TLK1: variants seen among roughly 807,000 people sequenced by gnomAD.
TLK1 encodes tousled like kinase 1.
TLK1 carries 24 observed loss-of-function variants against 105.3 expected under a neutral mutation model. The observed-to-expected ratio is 0.23, with a 90% CI of 0.17 to 0.32. The LOEUF (loss-of-function observed/expected upper bound fraction) is 0.32. Among genes scored for constraint, TLK1 ranks in the 10% least tolerant of loss-of-function variants. The pLI, the probability that TLK1 is intolerant of heterozygous loss-of-function variation, is 1.00. For synonymous variants in TLK1, 321 were observed against 310.4 expected (o/e 1.03, Z -0.36); for missense variants, 558 against 910.5 (o/e 0.61, Z 4.98).
chr2:171,090,185 A>G (rs1689166266), intron 2 of TLK1, among the ~76,000 whole-genome samples: 1 of 152,074 alleles, frequency 6.6e-6, no homozygotes, highest in Non-Finnish European at 1.5e-5. Context: ...ATTTCAACTT[A>G]TATTTTTATT....
chr2:171,025,440 G>A (rs138638724), intron 12 of TLK1, among the ~76,000 whole-genome samples: 563 of 152,270 alleles, frequency 3.7e-3, no homozygotes, highest in Middle Eastern at 0.01. Context: ...TTAATGTTAA[G>A]AATTTATTGA....
At position 171,007,149 on chromosome 2, in the gene TLK1, A is replaced by G; in HGVS notation, c.1417-86T>C. 3 of 1,079,730 alleles carry G rather than the reference A, an allele frequency of 2.8e-6. No individual in the cohort carries two copies. In the South Asian group the frequency reaches 4.8e-5, roughly 17 times the overall value. 66.9% of individuals were successfully genotyped at this position (1,079,730 alleles called of 1,614,324 possible). ...TTTTTATTTTGGTGATAATTTTTGCAATAATATGGAATTAGGACAAACCCT... is the reference window on the plus strand; with the variant it reads ...TTTTTATTTTGGTGATAATTTTTGCGATAATATGGAATTAGGACAAACCCT... On this transcript the variant is annotated intron_variant, in intron 14 of 20. Transcript: ENST00000431350.
intron 3 of TLK1, among the ~76,000 whole-genome samples, chr2:171,075,061 A>C (rs1324669647): frequency 3.3e-5 from 5 of 152,144 alleles, no homozygotes; most frequent in Non-Finnish European, 1.5e-5. Context: ...CAGTAAATAA[A>C]TATAGATAAA....
At chr2:171,203,170 A>C (rs765914251) in intron 1 of TLK1, among the ~76,000 whole-genome samples, 4 of 152,358 alleles carry the variant, frequency 2.6e-5, no homozygotes, top group Non-Finnish European at 5.9e-5. Flanking sequence ...AATTTTTAAA[A>C]AATGTTTAAT....
At chr2:171,010,225 G>C (rs929941795) in intron 14 of TLK1, among the ~76,000 whole-genome samples, 5 of 152,134 alleles carry the variant, frequency 3.3e-5, no homozygotes, top group African/African-American at 1.2e-4. Flanking sequence ...TAATATGTGA[G>C]GGGAGGGGAA....
intron 3 of TLK1, chr2:171,066,796 CTATAAAATTAGAATAAAG>C: frequency 6.5e-7 from 1 of 1,541,534 alleles, no homozygotes. Flanking sequence ...ACAGTATATA[CTATAAAATTAGAATAAAG>C]TTGAACTTTC....
At chr2:171,054,995 T>C in intron 7 of TLK1, 88 bp downstream of exon 7, 1 of 695,972 alleles carries the variant, frequency 1.4e-6, no homozygotes, top group Non-Finnish European at 2.2e-6. Flanking sequence ...TATGACTACA[T>C]ATAAAACAAA....
chr2:170,995,661 A>AT (rs1474261790), intron 20 of TLK1, among the ~76,000 whole-genome samples: 1 of 152,258 alleles, frequency 6.6e-6, no homozygotes, highest in Non-Finnish European at 1.5e-5. Context: ...AGTCATATTT[A>AT]TCTTACAAAA....
chr2:171,034,881 T>C (rs1032165234), intron 11 of TLK1, among the ~76,000 whole-genome samples: 1 of 152,122 alleles, frequency 6.6e-6, no homozygotes, highest in Admixed American at 6.5e-5. Context: ...TTAGTATAAG[T>C]ATAATGGCTG....
At chr2:171,184,169 G>A (rs1187843761) in intron 1 of TLK1, among the ~76,000 whole-genome samples, 1 of 152,170 alleles carries the variant, frequency 6.6e-6, no homozygotes, top group Non-Finnish European at 1.5e-5. Flanking sequence ...AACGAGGGTG[G>A]CTTCTAGAAG....
At chr2:171,158,314 T>C (rs1234013624) in intron 1 of TLK1, among the ~76,000 whole-genome samples, 1 of 152,218 alleles carries the variant, frequency 6.6e-6, no homozygotes, top group African/African-American at 2.4e-5. Flanking sequence ...AACTCACTAC[T>C]TTAGGTTACA....
chr2:171,148,034 G>C (rs1691861151), intron 1 of TLK1, among the ~76,000 whole-genome samples: 1 of 152,066 alleles, frequency 6.6e-6, no homozygotes, highest in African/African-American at 2.4e-5. Flanking sequence ...GGGATTTCAG[G>C]CGTGTGCCAC....
intron 20 of TLK1, among the ~76,000 whole-genome samples, chr2:170,996,118 A>T (rs1275364508): frequency 6.7e-6 from 1 of 149,852 alleles, no homozygotes; most frequent in Non-Finnish European, 1.5e-5. Flanking sequence ...CCCACCTCAG[A>T]CTCCCAAGCA....
In TLK1 at chr2:171,015,099, T is replaced by C. The variant is rs537696484; in HGVS notation, c.1237-151A>G. 308 of 624,916 alleles carry C rather than the reference T, an allele frequency of 4.9e-4. 1 individual carries two copies. The highest frequency in any genetic ancestry group is 7.4e-4 in the Non-Finnish European group (266 of 359,964). The allele number at this position is 624,916 out of a possible 1,614,324, so 38.7% of individuals were successfully genotyped here. A position where few individuals can be genotyped will look rare whatever the true frequency, so the allele number is the denominator to read the frequency against. On this transcript the variant is annotated intron_variant, in intron 12 of 20. Transcript: ENST00000431350. ...TAAAAGACCAAAGTGCTCTTTTCAA[T>C]GCCGAAAAGATGGAAAGAGATAAGG...
intron 3 of TLK1, 60 bp from the exon 4 acceptor site, chr2:171,061,216 G>A: frequency 1.3e-6 from 2 of 1,558,228 alleles, no homozygotes; most frequent in Non-Finnish European, 1.8e-6. Flanking sequence ...AATTATCACA[G>A]TCAACATAAA....
At chr2:171,110,413 G>C (rs950801125) in intron 2 of TLK1, among the ~76,000 whole-genome samples, 5 of 152,212 alleles carry the variant, frequency 3.3e-5, no homozygotes, top group Non-Finnish European at 7.3e-5. Flanking sequence ...AGGTTGCAGT[G>C]AGCCAAGGTT....
At chr2:171,170,348 T>C (rs1477164863) in intron 1 of TLK1, among the ~76,000 whole-genome samples, 1 of 152,218 alleles carries the variant, frequency 6.6e-6, no homozygotes, top group Non-Finnish European at 1.5e-5. Context: ...TAAATGTCAA[T>C]AGATACAACA....
chr2:171,155,339 A>G (rs1038859032), intron 1 of TLK1, among the ~76,000 whole-genome samples: 7 of 152,180 alleles, frequency 4.6e-5, no homozygotes, highest in Non-Finnish European at 8.8e-5. Context: ...TTGGTTCTCT[A>G]AAATGTCTTA....
At chr2:171,158,836 T>C (rs1239692762) in intron 1 of TLK1, among the ~76,000 whole-genome samples, 1 of 152,196 alleles carries the variant, frequency 6.6e-6, no homozygotes, top group East Asian at 1.9e-4. Context: ...ATAAATAAAC[T>C]TCTATATTCT....
Sources: allele counts gnomAD v4.1 joint callset (sites outside exome capture counted in the v4.1 genomes callset), GRCh38; gene constraint gnomAD v4.1.1; transcripts MANE v1.5; gene names NCBI Gene and HGNC (gene_info 2026-07-23, HGNC 2026-07-21).